Variants in GLI3 observed in about 807,000 individuals in gnomAD.
GLI3 encodes the protein GLI family zinc finger 3.
In GLI3, 20 loss-of-function variants were observed where a neutral mutation model predicts 100.8. The observed-to-expected ratio is 0.20, with a 90% CI of 0.14 to 0.29. GLI3 has a LOEUF of 0.29. GLI3 is among the 10% of genes least tolerant of loss of function. GLI3 has a pLI of 1.00. For synonymous variants in GLI3, 938 were observed against 860.5 expected (o/e 1.09, Z -1.58); for missense variants, 2,040 against 2,128.5 (o/e 0.96, Z 0.82).
chr7:42,084,224 T>C (rs1430714603), intron 3 of GLI3, among the ~76,000 whole-genome samples: 1 of 152,208 alleles, frequency 6.6e-6, no homozygotes. Context: ...TTTTAAACAG[T>C]CAGATAGATC....
At chr7:41,991,049 C>T (rs1787974153) in intron 10 of GLI3, among the ~76,000 whole-genome samples, 1 of 152,168 alleles carries the variant, frequency 6.6e-6, no homozygotes. Flanking sequence ...ATTCACTATT[C>T]ACTCAAAGCT....
chr7:42,183,278 T>C (rs1385587306), intron 2 of GLI3, among the ~76,000 whole-genome samples: 1 of 152,156 alleles, frequency 6.6e-6, no homozygotes, highest in Non-Finnish European at 1.5e-5. Flanking sequence ...TTTCAGGGTA[T>C]AAACACTATC....
chr7:42,158,226 G>T (rs1787049423), intron 2 of GLI3, among the ~76,000 whole-genome samples: 1 of 152,216 alleles, frequency 6.6e-6, no homozygotes. Context: ...CCAGGCCAGT[G>T]CTATGTGCTC....
chr7:42,113,633 A>G, intron 3 of GLI3: 2 of 948,612 alleles, frequency 2.1e-6, no homozygotes, highest in Non-Finnish European at 1.7e-6. Context: ...AAGTGTCTGC[A>G]TTTTTGATAA....
chr7:42,249,222 T>C (rs79086871), intron 1 of GLI3, among the ~76,000 whole-genome samples: 4,804 of 152,230 alleles, frequency 0.032, 137 homozygotes, highest in African/African-American at 0.076. Context: ...CCACATGAAC[T>C]ATTGCGCTCT....
intron 3 of GLI3, among the ~76,000 whole-genome samples, chr7:42,077,370 C>CTTT (rs1554323165): frequency 0.12 from 13,058 of 110,140 alleles, 1,268 homozygotes; most frequent in African/African-American, 0.33. Context: ...GCATGTGCTT[C>CTTT]TTTTTTTTTT....
chr7:42,028,485 C>T (rs1262019925), intron 7 of GLI3, among the ~76,000 whole-genome samples: 1 of 152,058 alleles, frequency 6.6e-6, no homozygotes, highest in African/African-American at 2.4e-5. Flanking sequence ...TGTAGGAGGC[C>T]GGGCGCGGTG....
At chr7:42,058,902 G>C (rs1186827880) in intron 4 of GLI3, among the ~76,000 whole-genome samples, 1 of 152,084 alleles carries the variant, frequency 6.6e-6, no homozygotes, top group Non-Finnish European at 1.5e-5. Flanking sequence ...AAATTTCAAG[G>C]TCAAAGAATT....
In GLI3 at chr7:41,964,489, AATG is replaced by A. The variant is rs1787103694; in HGVS notation, c.4581_4583del (p.Ile1528del). 1.9e-6 allele frequency: 3 copies of A among 1,614,032 alleles called. No homozygotes were observed. Among genetic ancestry groups the A allele is most frequent in the African/African-American group, 2.7e-5 (2 of 74,922 alleles). ...GGGAGGAGCTATGGGAAAGGTTCTG[AATG>A]ATACTTGGGCTCAGGGCCCCCGACA... On this transcript the variant is annotated inframe_deletion, in exon 15 of 15. Transcript: ENST00000395925.
chr7:42,169,293 CTG>C (rs1299401772), intron 2 of GLI3, among the ~76,000 whole-genome samples: 1 of 152,042 alleles, frequency 6.6e-6, no homozygotes, highest in African/African-American at 2.4e-5. Flanking sequence ...AAATGTTACT[CTG>C]TATCAAAAAA....
chr7:42,214,594 A>G (rs986259558), intron 2 of GLI3, among the ~76,000 whole-genome samples: 2 of 151,812 alleles, frequency 1.3e-5, no homozygotes, highest in African/African-American at 4.8e-5. Context: ...AATTCTGTCT[A>G]CCTGAGACAA....
intron 7 of GLI3, among the ~76,000 whole-genome samples, chr7:42,027,158 C>T (rs148228638): frequency 4.6e-5 from 7 of 152,172 alleles, no homozygotes; most frequent in African/African-American, 1.7e-4. Context: ...TCCCAGGCTA[C>T]AGTAAGTCCT....
chr7:42,094,589 T>C (rs1311506543), intron 3 of GLI3, among the ~76,000 whole-genome samples: 1 of 151,050 alleles, frequency 6.6e-6, no homozygotes, highest in African/African-American at 2.4e-5. Flanking sequence ...TACAAAAAAA[T>C]AGGGCATGGT....
At chr7:42,133,952 G>A (rs976121028) in intron 3 of GLI3, among the ~76,000 whole-genome samples, 4 of 151,824 alleles carry the variant, frequency 2.6e-5, no homozygotes, top group African/African-American at 4.8e-5. Flanking sequence ...GTGGTGTCGC[G>A]TGCCCATAAT....
At chr7:42,242,780 C>T (rs1788938719), upstream of GLI3, among the ~76,000 whole-genome samples, 1 of 152,176 alleles carries the variant, frequency 6.6e-6, no homozygotes, top group South Asian at 2.1e-4. Flanking sequence ...GTCCCCACAC[C>T]TAGAAGCTTG....
intron 2 of GLI3, among the ~76,000 whole-genome samples, chr7:42,165,900 A>G (rs554012901): frequency 4.6e-4 from 70 of 152,226 alleles, no homozygotes; most frequent in Non-Finnish European, 9.3e-4. Context: ...AAATCCAAAA[A>G]TCGCATATAT....
rs1284406576 is a variant in GLI3 at position 42,048,564 on chromosome 7, G to T, written c.606C>A (p.Asp202Glu). Residue 202 changes from aspartate to glutamate, a missense_variant, in exon 5 of 15, where the codon GAC (aspartate) becomes GAA (glutamate). This residue lies in a region of GLI3 where 603 missense variants were observed against 690.9 expected (regional missense o/e 0.87). Transcript: ENST00000395925. The stretch of plus-strand genomic sequence containing the variant: ...GGCTGCTGTGCAAGGAGCGGATATA[G>T]TCCATGTAGGGATTAATGTAGGGAT... Reference protein sequence around the residue: ...PPHPYINPYMDYIRSLHSSPS... With the variant: ...PPHPYINPYMEYIRSLHSSPS... 6.2e-7 allele frequency: 1 copy of T among 1,613,070 alleles called. No homozygotes were observed. Among genetic ancestry groups the T allele is most frequent in the South Asian group, 1.1e-5 (1 of 91,002 alleles).
At chr7:42,207,694 T>A (rs1583648292) in intron 2 of GLI3, among the ~76,000 whole-genome samples, 1 of 152,244 alleles carries the variant, frequency 6.6e-6, no homozygotes, top group East Asian at 1.9e-4. Flanking sequence ...AGAAGAGTGG[T>A]TCATGACACA....
At chr7:42,107,807 G>T (rs957362872) in intron 3 of GLI3, among the ~76,000 whole-genome samples, 3 of 152,218 alleles carry the variant, frequency 2.0e-5, no homozygotes, top group Non-Finnish European at 4.4e-5. Context: ...AAGAACTGCT[G>T]CCTGCTATCA....
Sources: allele counts gnomAD v4.1 joint callset (sites outside exome capture counted in the v4.1 genomes callset), GRCh38; gene constraint gnomAD v4.1.1; regional missense constraint gnomAD v4.1.1; transcripts MANE v1.5; gene names NCBI Gene and HGNC (gene_info 2026-07-23, HGNC 2026-07-21).